PJA2: variants seen among roughly 807,000 people sequenced by gnomAD.
PJA2 encodes E3 ubiquitin-protein ligase Praja-2.
Under a neutral mutation model 69.3 loss-of-function variants are expected in PJA2, and 25 were observed. The observed-to-expected ratio is 0.36, with a 90% CI of 0.26 to 0.50. PJA2 has a LOEUF of 0.50. Among genes scored for constraint, PJA2 ranks in the 20% least tolerant of loss-of-function variants. PJA2 has a pLI of 0.96. For missense variants in PJA2, 809 were observed against 830.2 expected (o/e 0.97, Z 0.31); for synonymous variants, 308 against 277.8 (o/e 1.11, Z -1.08).
At chr5:109,338,822 A>G (rs1025364032) in intron 9 of PJA2, among the ~76,000 whole-genome samples, 8 of 152,142 alleles carry the variant, frequency 5.3e-5, no homozygotes, top group South Asian at 2.1e-4. Context: ...AAAGATAACA[A>G]TAAGTCCTAA....
intron 1 of PJA2, among the ~76,000 whole-genome samples, chr5:109,394,054 T>A (rs1425697125): frequency 6.9e-6 from 1 of 144,636 alleles, no homozygotes; most frequent in Non-Finnish European, 1.5e-5. Context: ...TTTTTTTTTT[T>A]TTTTTTTTTT....
rs114586040 is a variant in PJA2, at chr5:109,349,329, C to T, written c.1765-4510G>A. On this transcript the variant is annotated intron_variant, in intron 7 of 9. Coordinates refer to ENST00000361189, the MANE Select transcript of PJA2 (RefSeq NM_014819.5). ...AGCTGGCATGATGCTAAGCTTTGTTCACAGAGGATGTTGAAGAACACTGCT... is the reference window on the plus strand; with the variant it reads ...AGCTGGCATGATGCTAAGCTTTGTTTACAGAGGATGTTGAAGAACACTGCT... Among the ~76,000 whole-genome samples, 866 of 152,228 alleles carry T rather than the reference C, an allele frequency of 5.7e-3. 11 individuals carry two copies. The highest frequency in any genetic ancestry group is 0.019 in the African/African-American group (799 of 41,536).
At position 109,378,831 on chromosome 5, in the gene PJA2, A is replaced by C. The variant is rs1331694222; in HGVS notation, c.656T>G (p.Val219Gly). The C allele has an allele frequency of 1.9e-6, 3 of 1,613,820 alleles. No homozygotes were observed. The highest frequency in any genetic ancestry group is 1.7e-6 in the Non-Finnish European group (2 of 1,180,010). The change falls in exon 4 of 10, where the codon GTT (valine) becomes GGT (glycine). Residue 219 changes from valine to glycine, a missense_variant. Val to Gly is a moderately radical substitution (Grantham distance 109). Coordinates refer to ENST00000361189, the MANE Select transcript of PJA2 (RefSeq NM_014819.5). ...AEAYTGLSPPVPSFNCEVRDE... is the reference protein window; with the variant it reads ...AEAYTGLSPPGPSFNCEVRDE... The stretch of plus-strand genomic sequence containing the variant: ...TCTTACTTCACAGTTAAATGAGGGA[A>C]CTGGTGGTGAAAGACCAGTGTATGC...
At chr5:109,357,258 T>A (rs1762428183) in intron 6 of PJA2, among the ~76,000 whole-genome samples, 1 of 151,186 alleles carries the variant, frequency 6.6e-6, no homozygotes, top group African/African-American at 2.4e-5. Flanking sequence ...GACTTCCATA[T>A]CCTATTTGAA....
At chr5:109,385,018 T>C (rs1289134255) in intron 1 of PJA2, among the ~76,000 whole-genome samples, 1 of 152,152 alleles carries the variant, frequency 6.6e-6, no homozygotes, top group Admixed American at 6.5e-5. Context: ...GGTTTCACCA[T>C]ATTGGTCAGG....
rs1363893760 is a variant in PJA2 at position 109,345,533 on chromosome 5, A to G, written c.1765-714T>C. Among the ~76,000 whole-genome samples, 6 of 151,708 alleles carry G rather than the reference A, an allele frequency of 4.0e-5. No individual in the cohort carries two copies. In the East Asian group the frequency reaches 9.7e-4, roughly 24 times the overall value. The stretch of plus-strand genomic sequence containing the variant: ...TGTCTCAAAAAAAAAAAAAAAAAAA[A>G]ACTACCTTGTCTCAATAATCATCTA... On this transcript the variant is annotated intron_variant, in intron 7 of 9. Transcript: ENST00000361189.
rs764444919 is a variant in PJA2, at chr5:109,378,224, G to C, written c.1263C>G (p.Leu421=). 3 of 1,612,174 alleles carry C rather than the reference G, an allele frequency of 1.9e-6. No individual in the cohort carries two copies. The highest frequency in any genetic ancestry group is 2.2e-5 in the East Asian group (1 of 44,874). The change falls in exon 4 of 10, where the codon CTC becomes CTG. Residue 421 remains leucine, a synonymous_variant. Coordinates refer to ENST00000361189, the MANE Select transcript of PJA2 (RefSeq NM_014819.5). ...FWNGCGDYYQ[L]YDKDEDSSEC... ...CTTACCTATCTTCATCTTTGTCATA[G>C]AGTTGGTAATAATCTCCACAGCCAT... is the stretch of plus-strand genomic sequence containing the variant.
At chr5:109,404,446 A>T (rs1747634851) in intron 1 of PJA2, among the ~76,000 whole-genome samples, 1 of 152,056 alleles carries the variant, frequency 6.6e-6, no homozygotes, top group Admixed American at 6.5e-5. Flanking sequence ...TGAGCCTGGG[A>T]GACCGAGGTT....
intron 2 of PJA2, among the ~76,000 whole-genome samples, chr5:109,382,972 C>T (rs112734854): frequency 1.2e-3 from 176 of 152,132 alleles, no homozygotes; most frequent in African/African-American, 3.7e-3. Context: ...TTATAATACA[C>T]GCACATATCG....
intron 1 of PJA2, among the ~76,000 whole-genome samples, chr5:109,384,719 A>G (rs1445135835): frequency 2.6e-5 from 4 of 152,234 alleles, no homozygotes; most frequent in Non-Finnish European, 5.9e-5. Flanking sequence ...AAGTATCTGA[A>G]TCAAAAGAGG....
At chr5:109,348,190 A>T (rs1393585659) in intron 7 of PJA2, among the ~76,000 whole-genome samples, 1 of 152,180 alleles carries the variant, frequency 6.6e-6, no homozygotes, top group South Asian at 2.1e-4. Flanking sequence ...GGCAACAGTG[A>T]TCTAACTGTA....
At chr5:109,338,550 T>C (rs768285468) in intron 9 of PJA2, among the ~76,000 whole-genome samples, 14 of 148,702 alleles carry the variant, frequency 9.4e-5, no homozygotes, top group South Asian at 2.1e-4. Flanking sequence ...TGAGGCAGAA[T>C]TGCTTGAACC....
rs189972478 is a variant in PJA2, at chr5:109,387,155, T to A, written c.-87-3635A>T. On this transcript the variant is annotated intron_variant, in intron 1 of 9. Transcript: ENST00000361189. ...AGCCTTTCCTTATTCTCTTAGCCTG[T>A]CATTACTCTCTGTAACAATCTTTTT... Among the ~76,000 whole-genome samples the A allele has an allele frequency of 3.6e-3, 548 of 152,324 alleles. 2 individuals are homozygous for A. The highest frequency in any genetic ancestry group is 0.013 in the African/African-American group (530 of 41,584).
At chr5:109,373,630 C>A (rs1762712662) in intron 4 of PJA2, among the ~76,000 whole-genome samples, 1 of 152,036 alleles carries the variant, frequency 6.6e-6, no homozygotes, top group Non-Finnish European at 1.5e-5. Context: ...TCCATTTGTT[C>A]TAGATTTTAA....
intron 7 of PJA2, among the ~76,000 whole-genome samples, chr5:109,346,844 A>T (rs1466910792): frequency 6.6e-6 from 1 of 152,170 alleles, no homozygotes; most frequent in Non-Finnish European, 1.5e-5. Flanking sequence ...GCAATAGTAA[A>T]TTTTATATTA....
intron 9 of PJA2, among the ~76,000 whole-genome samples, chr5:109,342,183 T>C (rs1439262976): frequency 1.7e-3 from 133 of 78,722 alleles, no homozygotes; most frequent in African/African-American, 6.5e-3. Context: ...AGCCGCCCCG[T>C]CCGGGAGGGA....
intron 1 of PJA2, among the ~76,000 whole-genome samples, chr5:109,389,718 C>G (rs1747238782): frequency 6.6e-6 from 1 of 151,904 alleles, no homozygotes; most frequent in South Asian, 2.1e-4. Flanking sequence ...TTGTTCTTTA[C>G]TAATTTATAC....
chr5:109,387,345 A>G (rs1482215424), intron 1 of PJA2, among the ~76,000 whole-genome samples: 1 of 152,190 alleles, frequency 6.6e-6, no homozygotes, highest in Non-Finnish European at 1.5e-5. Context: ...TAAGAAAAAA[A>G]GCAAAACAGG....
Position 109,368,495 on chromosome 5 carries a change from A to G in PJA2, c.1469+66T>C. On this transcript the variant is annotated intron_variant, in intron 5 of 9. Coordinates refer to ENST00000361189, the MANE Select transcript of PJA2 (RefSeq NM_014819.5). ...AAATACAATTAATGGCATATCCAAC[A>G]TTTGAATGTAAAATATACCACTCTT... is the stretch of plus-strand genomic sequence containing the variant. 3 of 1,400,044 alleles carry G rather than the reference A, an allele frequency of 2.1e-6. No individual in the cohort carries two copies. The South Asian group carries it at 4.2e-5, about 19-fold the overall frequency. 86.7% of individuals were successfully genotyped at this position (1,400,044 alleles called of 1,614,324 possible).
Sources: gnomAD v4.1 joint callset for allele counts (sites outside exome capture counted in the v4.1 genomes callset) on GRCh38, gnomAD v4.1.1 for gene constraint, MANE v1.5 for transcripts, NCBI Gene and HGNC (gene_info 2026-07-23, HGNC 2026-07-21) for gene names.